The following ADGRG2 variants were observed in gnomAD, a reference collection of about 807,000 sequenced individuals.
The protein encoded by ADGRG2 is adhesion G protein-coupled receptor G2, also known as G protein-coupled receptor 64.
A neutral mutation model predicts 74.1 loss-of-function variants in ADGRG2; 26 were observed. The observed-to-expected ratio is 0.35, with a 90% confidence interval of 0.26 to 0.49. ADGRG2 has a LOEUF of 0.49. ADGRG2 is among the 20% of genes least tolerant of loss of function. ADGRG2 has a pLI of 0.99. For synonymous variants in ADGRG2, 296 were observed against 295.2 expected (o/e 1.00, Z -0.03); for missense variants, 619 against 763.1 (o/e 0.81, Z 2.22).
chrX:19,047,094 T>C (rs2061207887), intron 3 of ADGRG2, among the ~76,000 whole-genome samples: 1 of 111,848 alleles, frequency 8.9e-6, no homozygotes, highest in Non-Finnish European at 1.9e-5. Context: ...ATGACTCAGA[T>C]TTCAAAGTTT....
At chrX:19,070,116 C>G (rs931674417) in intron 2 of ADGRG2, among the ~76,000 whole-genome samples, 6 of 112,216 alleles carry the variant, frequency 5.3e-5, no homozygotes, top group Non-Finnish European at 7.5e-5. Context: ...CCCCCTCCCA[C>G]GAGGGGTTGA....
At chrX:19,113,420 C>T (rs1176391497) in intron 1 of ADGRG2, among the ~76,000 whole-genome samples, 1 of 111,758 alleles carries the variant, frequency 8.9e-6, no homozygotes, top group Non-Finnish European at 1.9e-5. Flanking sequence ...GAAAAAAATG[C>T]TGTAAAGGAT....
chrX:19,017,501 G>A (rs1472575161), intron 15 of ADGRG2, among the ~76,000 whole-genome samples: 1 of 111,855 alleles, frequency 8.9e-6, no homozygotes, highest in Non-Finnish European at 1.9e-5. Flanking sequence ...TGCGTCAAAA[G>A]AGGGATGCTC....
chrX:19,008,206 A>G, intron 18 of ADGRG2, 83 bp from the exon 19 acceptor site: 1 of 655,912 alleles, frequency 1.5e-6, no homozygotes, highest in Non-Finnish European at 2.2e-6. Flanking sequence ...TTGGTGCAAA[A>G]GTAATTGCAG....
chrX:18,992,228 G>A (rs1414637547), intron 28 of ADGRG2, among the ~76,000 whole-genome samples: 1 of 112,522 alleles, frequency 8.9e-6, no homozygotes, highest in Non-Finnish European at 1.9e-5. Context: ...TAGGCATTTC[G>A]GCTTGAGGAC....
intron 15 of ADGRG2, among the ~76,000 whole-genome samples, chrX:19,014,786 C>T (rs1432782703): frequency 1.8e-5 from 2 of 111,272 alleles, no homozygotes; most frequent in African/African-American, 3.3e-5. Context: ...GCACCTGCCA[C>T]CATGCCCGGC....
At chrX:19,112,027 A>G (rs975043226) in intron 1 of ADGRG2, among the ~76,000 whole-genome samples, 7 of 110,498 alleles carry the variant, frequency 6.3e-5, no homozygotes, top group African/African-American at 2.3e-4. Flanking sequence ...AGAATAGATC[A>G]TACAAAAATC....
chrX:19,022,757 C>T (rs1016870243), intron 13 of ADGRG2, among the ~76,000 whole-genome samples: 7 of 111,946 alleles, frequency 6.3e-5, no homozygotes, highest in Non-Finnish European at 1.1e-4. Context: ...AGGGCAGTGG[C>T]GCAATCTCGG....
In ADGRG2 at chrX:19,019,657, A is replaced by G; in HGVS notation, c.652T>C (p.Cys218Arg). The G allele has an allele frequency of 8.7e-7, 1 of 1,153,264 alleles. No individual in the cohort carries two copies. The highest frequency in any genetic ancestry group is 1.2e-6 in the Non-Finnish European group (1 of 843,564). ...RVKIRPMEHC[C>R]CSVRIPCPSS... Reference sequence around the variant, plus strand: ...GGGCAGGGTATCCTGACAGAACAGCAGCAGTGTTCTAGGAGAGACAAAAGG... The same window carrying G: ...GGGCAGGGTATCCTGACAGAACAGCGGCAGTGTTCTAGGAGAGACAAAAGG... The change falls in exon 15 of 29, where the codon TGC becomes CGC. Residue 218 changes from cysteine to arginine, a missense_variant. Physicochemically the swap from Cys to Arg is radical, Grantham distance 180. This residue lies in a region of ADGRG2 where 292 missense variants were observed against 318.0 expected (regional missense o/e 0.92). Coordinates refer to ENST00000379869, the MANE Select transcript of ADGRG2 (RefSeq NM_001079858.3).
At chrX:19,050,586 C>G (rs1042655904) in intron 3 of ADGRG2, among the ~76,000 whole-genome samples, 5 of 111,681 alleles carry the variant, frequency 4.5e-5, no homozygotes, top group African/African-American at 1.6e-4. Context: ...TAATATCACC[C>G]CCAGGGAAAT....
intron 1 of ADGRG2, among the ~76,000 whole-genome samples, chrX:19,111,680 A>G (rs1183153156): frequency 9.0e-6 from 1 of 111,329 alleles, no homozygotes; most frequent in Non-Finnish European, 1.9e-5. Context: ...GTGACTAGAA[A>G]TGGGGGTGGG....
intron 3 of ADGRG2, among the ~76,000 whole-genome samples, chrX:19,046,010 G>C (rs923682722): frequency 9.0e-5 from 10 of 111,623 alleles, no homozygotes; most frequent in African/African-American, 3.3e-4. Flanking sequence ...TCAGCCTCCT[G>C]AGTAGCTGGG....
At chrX:19,023,335 G>A (rs2060633304) in intron 13 of ADGRG2, 81 bp downstream of exon 13, 5 of 547,836 alleles carry the variant, frequency 9.1e-6, no homozygotes, top group Non-Finnish European at 1.5e-5. Flanking sequence ...CTTTGCATTT[G>A]CAATTTAACT....
Position 19,008,053 on chromosome X carries a change from T to C in ADGRG2, c.1493A>G (p.Asn498Ser). ...TAGCTCCATGTCATGAGCTGGTAAATTATTCATCAGCGATGAAGGAAGAGT... is the reference window on the plus strand; with the variant it reads ...TAGCTCCATGTCATGAGCTGGTAAACTATTCATCAGCGATGAAGGAAGAGT... ...TITLPSSLMN[N>S]LPAHDMELAS... The change falls in exon 19 of 29, where the codon AAT becomes AGT. Residue 498 changes from asparagine (N) to serine (S), a missense_variant. Asn to Ser is a conservative substitution (Grantham distance 46). Transcript: ENST00000379869. The C allele has an allele frequency of 8.3e-7, 1 of 1,199,199 alleles. No individual in the cohort carries two copies. The highest frequency in any genetic ancestry group is 1.8e-5 in the South Asian group (1 of 56,527).
chrX:19,003,101 C>T lies in ADGRG2; in HGVS notation c.1975G>A (p.Asp659Asn). The change falls in exon 24 of 29, where the codon GAT becomes AAT. Residue 659 changes from aspartate (D) to asparagine (N), a missense_variant. By Grantham distance (23) the Asp-to-Asn change is conservative. Transcript: ENST00000379869. ...TGGATGAGGATTTTGGAAGGGTAAT[C>T]CCTCCGGATCTTTCTAAAAGGAAAG... Reference protein sequence around the residue: ...TYIAFEKIRRDYPSKILIQLC... With the variant: ...TYIAFEKIRRNYPSKILIQLC... 2 of 1,194,772 alleles carry T rather than the reference C, an allele frequency of 1.7e-6. No homozygotes were observed. The highest frequency in any genetic ancestry group is 1.8e-5 in the South Asian group (1 of 56,416).
intron 1 of ADGRG2, among the ~76,000 whole-genome samples, chrX:19,092,773 C>T (rs932688632): frequency 8.9e-6 from 1 of 111,931 alleles, no homozygotes; most frequent in African/African-American, 3.3e-5. Flanking sequence ...TGGAGGAGGA[C>T]CTTCACGTTG....
At chrX:19,007,940 A>G in intron 19 of ADGRG2, 40 bp downstream of exon 19, 1 of 1,147,923 alleles carries the variant, frequency 8.7e-7, no homozygotes, top group South Asian at 2.0e-5. Context: ...CCTCATCTCC[A>G]AATAAAGCCC....
In ADGRG2 at chrX:19,008,100, A is replaced by G. The variant is rs2060274470; in HGVS notation, c.1446T>C (p.Pro482=). Residue 482 remains proline, a synonymous_variant, in exon 19 of 29, where the codon CCT becomes CCC. Coordinates refer to ENST00000379869, the MANE Select transcript of ADGRG2 (RefSeq NM_001079858.3). ...GAGTAATTGTGCCAATACTGTTCTC[A>G]GGAGCTTGGGTTTCCAGAGAAACCT... ...NLQVSLETQA[P]ENSIGTITLP... is the part of the protein sequence containing the mutation. The G allele has an allele frequency of 2.5e-6, 3 of 1,190,038 alleles. No homozygotes were observed. In the South Asian group the frequency reaches 5.6e-5, roughly 22 times the overall value.
chrX:18,991,016 A>G lies in ADGRG2; in HGVS notation c.2902T>C (p.Phe968Leu). Reference protein sequence around the residue: ...NASTERNGVSFSVQNGDVCLH... With the variant: ...NASTERNGVSLSVQNGDVCLH... Reference sequence around the variant, plus strand: ...CACACATCTCCATTCTGAACACTAAAAGAGACCCCATTCCTCTCTGTAGAA... The same window carrying G: ...CACACATCTCCATTCTGAACACTAAGAGAGACCCCATTCCTCTCTGTAGAA... The change falls in exon 29 of 29, where the codon TTT becomes CTT. Residue 968 changes from phenylalanine to leucine, a missense_variant. Physicochemically the swap from Phe to Leu is conservative, Grantham distance 22 (BLOSUM62 0). This residue lies in a region of ADGRG2 where 106 missense variants were observed against 104.5 expected (regional missense o/e 1.01). Coordinates refer to ENST00000379869, the MANE Select transcript of ADGRG2 (RefSeq NM_001079858.3). 8.4e-7 allele frequency: 1 copy of G among 1,197,463 alleles called. No individual in the cohort carries two copies. The highest frequency in any genetic ancestry group is 1.1e-6 in the Non-Finnish European group (1 of 885,695).
Sources: allele counts gnomAD v4.1 joint callset (sites outside exome capture counted in the v4.1 genomes callset), GRCh38; gene constraint gnomAD v4.1.1; regional missense constraint gnomAD v4.1.1; transcripts MANE v1.5; gene names NCBI Gene and HGNC (gene_info 2026-07-23, HGNC 2026-07-21).